ANO3: variants seen among roughly 807,000 people sequenced by gnomAD.
ANO3 encodes anoctamin 3, also known as anoctamin-3.
In ANO3, 99 loss-of-function variants were observed where a neutral mutation model predicts 144.8. That is an observed-to-expected ratio of 0.68 (90% CI 0.58 to 0.81). ANO3 has a LOEUF of 0.81. Among genes scored for constraint, ANO3 ranks in the 30% least tolerant of loss-of-function variants. The pLI is 0.00. For missense variants in ANO3, 905 were observed against 1,202.2 expected, an observed-to-expected ratio of 0.75 and a Z score of 3.66; for synonymous variants, 414 against 392.6, an observed-to-expected ratio of 1.05 and a Z score of -0.64.
intron 1 of ANO3, among the ~76,000 whole-genome samples, chr11:26,262,779 A>G (rs1853220294): frequency 6.6e-6 from 1 of 151,686 alleles, no homozygotes; most frequent in Non-Finnish European, 1.5e-5. Context: ...CAACCAAGTG[A>G]GGATACAATG....
chr11:26,516,161 C>T (rs75029941), intron 5 of ANO3, among the ~76,000 whole-genome samples: 16,680 of 151,604 alleles, frequency 0.11, 1,281 homozygotes, highest in Admixed American at 0.15. Context: ...CCACAGTACC[C>T]CATTTTGTAA....
Position 26,559,872 on chromosome 11 carries a change from A to ACC in ANO3, c.1447+94_1447+95insCC, listed in dbSNP as rs1489942127. The stretch of plus-strand genomic sequence containing the variant: ...CACACACACACACACACACACACAC[A>ACC]CACCATGAATCAATTCAAAAATAAA... On this transcript the variant is annotated intron_variant, in intron 14 of 26. Transcript: ENST00000256737. 1,085 of 803,444 alleles carry ACC rather than the reference A, an allele frequency of 1.4e-3. 3 individuals are homozygous for ACC. Among genetic ancestry groups the ACC allele is most frequent in the Non-Finnish European group, 2.0e-3 (955 of 488,442 alleles). 49.8% of individuals were successfully genotyped at this position (803,444 alleles called of 1,614,324 possible). A position where few individuals can be genotyped will look rare whatever the true frequency, so the allele number is the denominator to read the frequency against.
Position 26,663,284 on chromosome 11 carries a change from A to G in ANO3, c.*2840A>G, listed in dbSNP as rs1047443479. 2.6e-5 allele frequency: 4 copies of G among 152,050 alleles called. No individual in the cohort carries two copies. Among genetic ancestry groups the G allele is most frequent in the African/African-American group, 4.8e-5 (2 of 41,436 alleles). The allele number at this position is 152,050 out of a possible 1,614,324, so 9.4% of individuals were successfully genotyped here. On this transcript the variant is annotated 3_prime_UTR_variant, in exon 27 of 27. Transcript: ENST00000256737. ...TTCACTCAATAAATTATTATTTGAT[A>G]TGGTATTTTCCCTATAATTTGCATG...
chr11:26,563,137 A>G (rs777978468), intron 14 of ANO3: 2 of 1,612,138 alleles, frequency 1.2e-6, no homozygotes, highest in South Asian at 2.2e-5. Context: ...CTGTCGTCAT[A>G]AAGTCGCCGA....
chr11:26,360,219 G>A (rs1459458175), intron 1 of ANO3, among the ~76,000 whole-genome samples: 1 of 116,528 alleles, frequency 8.6e-6, no homozygotes, highest in Non-Finnish European at 1.6e-5. Flanking sequence ...TGCTTTTGTT[G>A]CCTCCTGGTT....
intron 1 of ANO3, among the ~76,000 whole-genome samples, chr11:26,204,531 T>C (rs1353720805): frequency 2.0e-5 from 3 of 152,148 alleles, no homozygotes; most frequent in African/African-American, 7.2e-5. Context: ...TTTTCACTTA[T>C]CACTCTGGTT....
At chr11:26,295,695 C>T (rs1397239332) in intron 1 of ANO3, among the ~76,000 whole-genome samples, 1 of 152,018 alleles carries the variant, frequency 6.6e-6, no homozygotes, top group Non-Finnish European at 1.5e-5. Context: ...CACCTCATAT[C>T]TCCATCAGTT....
chr11:26,460,501 A>G (rs1859355208), intron 3 of ANO3, among the ~76,000 whole-genome samples: 1 of 151,958 alleles, frequency 6.6e-6, no homozygotes, highest in Non-Finnish European at 1.5e-5. Context: ...AGTAAAAAAG[A>G]AAAGAAAACA....
intron 13 of ANO3, among the ~76,000 whole-genome samples, chr11:26,553,576 T>C (rs986560404): frequency 6.6e-6 from 1 of 152,206 alleles, no homozygotes; most frequent in Middle Eastern, 3.2e-3. Context: ...TTTGCCACCA[T>C]AGATAAACAT....
intron 7 of ANO3, among the ~76,000 whole-genome samples, chr11:26,525,983 G>C (rs2134168552): frequency 6.6e-6 from 1 of 152,132 alleles, no homozygotes; most frequent in Non-Finnish European, 1.5e-5. Context: ...ATAAGACCAG[G>C]ATCAATGTTT....
intron 1 of ANO3, among the ~76,000 whole-genome samples, chr11:26,245,913 G>T (rs1852780471): frequency 6.6e-6 from 1 of 152,178 alleles, no homozygotes; most frequent in Admixed American, 6.5e-5. Context: ...CAATATATCT[G>T]TCCAGATGGG....
At chr11:26,356,386 T>G (rs1456279773) in intron 1 of ANO3, among the ~76,000 whole-genome samples, 1 of 152,212 alleles carries the variant, frequency 6.6e-6, no homozygotes, top group Non-Finnish European at 1.5e-5. Flanking sequence ...TGTACCTTTA[T>G]GCCTCTGTTC....
intron 18 of ANO3, among the ~76,000 whole-genome samples, chr11:26,633,637 G>T (rs1246800397): frequency 6.6e-6 from 1 of 152,172 alleles, no homozygotes; most frequent in Non-Finnish European, 1.5e-5. Context: ...AAATCTTTAT[G>T]TATTAATAAC....
chr11:26,565,597 A>G (rs375632320), intron 14 of ANO3: 7 of 1,613,356 alleles, frequency 4.3e-6, no homozygotes, highest in Non-Finnish European at 5.9e-6. Context: ...GAGTTACTGG[A>G]GAAATCTGTT....
At chr11:26,297,184 C>T (rs78783589) in intron 1 of ANO3, among the ~76,000 whole-genome samples, 6,588 of 146,414 alleles carry the variant, frequency 0.045, 477 homozygotes, top group African/African-American at 0.15. Context: ...TCAACCATTG[C>T]GTGTGTGTGT....
chr11:26,488,770 T>G (rs7128247), intron 4 of ANO3, among the ~76,000 whole-genome samples: 22,735 of 152,096 alleles, frequency 0.15, 2,208 homozygotes, highest in South Asian at 0.34. Flanking sequence ...AGCAGCAACA[T>G]TTATCATGAA....
At chr11:26,498,105 C>A (rs554169300) in intron 4 of ANO3, among the ~76,000 whole-genome samples, 14 of 152,060 alleles carry the variant, frequency 9.2e-5, no homozygotes, top group Non-Finnish European at 1.6e-4. Context: ...GTCTTTTAGA[C>A]CTCATGGAAT....
intron 11 of ANO3, 40 bp downstream of exon 11, chr11:26,542,108 GT>G (rs756155777): frequency 1.3e-6 from 2 of 1,587,426 alleles, no homozygotes; most frequent in East Asian, 4.5e-5. Flanking sequence ...AAAGTATTCT[GT>G]TTTGTGTCAT....
chr11:26,486,191 T>C (rs1311922056), intron 4 of ANO3, among the ~76,000 whole-genome samples: 4 of 151,970 alleles, frequency 2.6e-5, no homozygotes, highest in African/African-American at 7.2e-5. Flanking sequence ...TAAAACCCTG[T>C]CTCTACTAAA....
Sources: gnomAD v4.1 joint callset for allele counts (sites outside exome capture counted in the v4.1 genomes callset) on GRCh38, gnomAD v4.1.1 for gene constraint, MANE v1.5 for transcripts, NCBI Gene and HGNC (gene_info 2026-07-23, HGNC 2026-07-21) for gene names.